The following ITSN1 variants were observed in gnomAD, a reference collection of about 807,000 sequenced individuals.
ITSN1 encodes intersectin 1.
A neutral mutation model predicts 239.8 loss-of-function variants in ITSN1; 58 were observed. That is an observed-to-expected ratio of 0.24 (90% CI 0.20 to 0.30). The LOEUF (loss-of-function observed/expected upper bound fraction) is 0.30. Among genes scored for constraint, ITSN1 ranks in the 10% least tolerant of loss-of-function variants. The pLI is 1.00. For synonymous variants in ITSN1, 780 were observed against 770.8 expected, an observed-to-expected ratio of 1.01 and a Z score of -0.20; for missense variants, 1,558 against 2,103.3, an observed-to-expected ratio of 0.74 and a Z score of 5.07.
intron 1 of ITSN1, among the ~76,000 whole-genome samples, chr21:33,686,177 G>A (rs2091225311): frequency 6.6e-6 from 1 of 152,112 alleles, no homozygotes; most frequent in South Asian, 2.1e-4. Flanking sequence ...CTAAACAGAA[G>A]TAATTATATA....
intron 1 of ITSN1, among the ~76,000 whole-genome samples, chr21:33,696,910 A>G (rs865857169): frequency 3.9e-5 from 6 of 152,178 alleles, no homozygotes; most frequent in South Asian, 2.1e-4. Flanking sequence ...ATACCCAGAG[A>G]TAAAGGTGAC....
chr21:33,726,155 G>A (rs894316501), intron 4 of ITSN1, among the ~76,000 whole-genome samples: 7 of 152,006 alleles, frequency 4.6e-5, no homozygotes, highest in African/African-American at 1.2e-4. Context: ...GACCATGCCC[G>A]CCTAACCTTT....
intron 5 of ITSN1, among the ~76,000 whole-genome samples, chr21:33,745,775 C>T (rs1235775756): frequency 6.6e-6 from 1 of 152,176 alleles, no homozygotes; most frequent in Non-Finnish European, 1.5e-5. Flanking sequence ...ATCCTGAACT[C>T]GTGGTCATGG....
intron 1 of ITSN1, among the ~76,000 whole-genome samples, chr21:33,681,381 A>G (rs1343199128): frequency 6.6e-6 from 1 of 152,122 alleles, no homozygotes; most frequent in African/African-American, 2.4e-5. Context: ...CAGTGGATCT[A>G]ATGCATGATA....
chr21:33,827,082 ATGT>A (rs2074012483), intron 26 of ITSN1, among the ~76,000 whole-genome samples: 1 of 152,224 alleles, frequency 6.6e-6, no homozygotes. Flanking sequence ...ACCTAACAGA[ATGT>A]TCTCTTGGGT....
intron 16 of ITSN1, among the ~76,000 whole-genome samples, chr21:33,792,329 C>G (rs1479957312): frequency 6.6e-6 from 1 of 152,124 alleles, no homozygotes; most frequent in South Asian, 2.1e-4. Context: ...CTCAGCCTCC[C>G]GAGTAGCTGG....
At chr21:33,744,993 G>A (rs1051850683) in intron 5 of ITSN1, among the ~76,000 whole-genome samples, 1 of 152,168 alleles carries the variant, frequency 6.6e-6, no homozygotes, top group African/African-American at 2.4e-5. Context: ...CTCATTAGAA[G>A]CACCTCTTTA....
At chr21:33,643,649 A>G (rs910695128) in intron 1 of ITSN1, 4 of 152,132 alleles carry the variant, frequency 2.6e-5, no homozygotes, top group Non-Finnish European at 4.4e-5. Context: ...CCTCTTCAAT[A>G]TGAAAGTTTC....
chr21:33,772,213 C>G lies in ITSN1; in HGVS notation c.1195C>G (p.Gln399Glu), dbSNP rs1250189865. The change falls in exon 12 of 40, where the codon CAG (glutamine) becomes GAG (glutamate). Residue 399 changes from glutamine to glutamate, a missense_variant. Gln to Glu is a conservative substitution (Grantham distance 29, BLOSUM62 2). This residue lies in a region of ITSN1 where 982 missense variants were observed against 1,209.9 expected (regional missense o/e 0.81). Coordinates refer to ENST00000381318, the MANE Select transcript of ITSN1 (RefSeq NM_003024.3). ...GCAGGAGAGGAAGGAGCGTGAGCGC[C>G]AGGAGCAAGAGCGCAAAAGACAACT... is the stretch of plus-strand genomic sequence containing the variant. ...AEQERKERER[Q>E]EQERKRQLEL... 3 of 1,613,158 alleles carry G rather than the reference C, an allele frequency of 1.9e-6. No individual in the cohort carries two copies. Among genetic ancestry groups the G allele is most frequent in the Non-Finnish European group, 2.5e-6 (3 of 1,179,536 alleles).
intron 29 of ITSN1, among the ~76,000 whole-genome samples, chr21:33,851,286 C>T (rs1978304956): frequency 6.6e-6 from 1 of 152,218 alleles, no homozygotes; most frequent in African/African-American, 2.4e-5. Flanking sequence ...TATGGAGACC[C>T]AGCCTCAGGA....
chr21:33,714,340 C>T (rs1462502369), intron 1 of ITSN1, among the ~76,000 whole-genome samples: 1 of 151,996 alleles, frequency 6.6e-6, no homozygotes, highest in Non-Finnish European at 1.5e-5. Flanking sequence ...TTAAGAGATA[C>T]AGATGAAGGA....
intron 31 of ITSN1, among the ~76,000 whole-genome samples, chr21:33,862,014 A>AAG (rs35336367): frequency 6.9e-6 from 1 of 145,438 alleles, no homozygotes; most frequent in Non-Finnish European, 1.5e-5. Context: ...AAAAAAAAAA[A>AAG]GAGCTGTGCG....
chr21:33,735,588 G>A, intron 5 of ITSN1: 2 of 223,214 alleles, frequency 9.0e-6, no homozygotes, highest in South Asian at 1.3e-4. Flanking sequence ...CAATTCCTTT[G>A]GATTATGGCA....
intron 33 of ITSN1, among the ~76,000 whole-genome samples, chr21:33,868,669 A>T (rs1261599656): frequency 6.6e-6 from 1 of 152,166 alleles, no homozygotes; most frequent in Admixed American, 6.5e-5. Flanking sequence ...CAAGCGCCGC[A>T]CGCAGCCCCG....
At chr21:33,762,768 A>G (rs914525911) in intron 9 of ITSN1, among the ~76,000 whole-genome samples, 1 of 151,922 alleles carries the variant, frequency 6.6e-6, no homozygotes, top group East Asian at 1.9e-4. Flanking sequence ...GGTTCAGCCT[A>G]TTCTCCTGCC....
intron 4 of ITSN1, among the ~76,000 whole-genome samples, chr21:33,734,599 A>G (rs2066384924): frequency 6.6e-6 from 1 of 152,226 alleles, no homozygotes; most frequent in African/African-American, 2.4e-5. Context: ...ATCTCTAGCA[A>G]TATTAACATT....
chr21:33,707,107 C>G (rs1259596461), intron 1 of ITSN1, among the ~76,000 whole-genome samples: 2 of 152,090 alleles, frequency 1.3e-5, no homozygotes. Flanking sequence ...ATTGCTATGT[C>G]TCTTGGGGGA....
chr21:33,832,031 C>T (rs2074320591), intron 27 of ITSN1, among the ~76,000 whole-genome samples: 1 of 152,192 alleles, frequency 6.6e-6, no homozygotes, highest in African/African-American at 2.4e-5. Flanking sequence ...AGACTCCCAT[C>T]GCCTGTCCTC....
chr21:33,766,450 C>T (rs1468965029), intron 10 of ITSN1, among the ~76,000 whole-genome samples: 3 of 152,212 alleles, frequency 2.0e-5, no homozygotes, highest in African/African-American at 7.2e-5. Context: ...GACTGAAAGA[C>T]AGTCTCAGTA....
Sources: allele counts gnomAD v4.1 joint callset (sites outside exome capture counted in the v4.1 genomes callset), GRCh38; gene constraint gnomAD v4.1.1; regional missense constraint gnomAD v4.1.1; transcripts MANE v1.5; gene names NCBI Gene and HGNC (gene_info 2026-07-23, HGNC 2026-07-21).